The following GCNT2 variants were observed in gnomAD, a reference collection of about 807,000 sequenced individuals.
GCNT2 encodes glucosaminyl (N-acetyl) transferase 2 (I blood group), also known as N-acetyllactosaminide beta-1,6-N-acetylglucosaminyl-transferase.
GCNT2 carries 34 observed loss-of-function variants against 34.2 expected under a neutral mutation model. The observed-to-expected ratio is 1.00, with a 90% CI of 0.76 to 1.32. GCNT2 has a LOEUF of 1.32. GCNT2 is among the 40% of genes most tolerant of loss of function. The probability of loss-of-function intolerance (pLI) is 0.00; values close to 1 mark genes in which losing one functional copy is unlikely to be tolerated. For missense variants in GCNT2, 584 were observed against 489.4 expected (o/e 1.19, Z -1.82); for synonymous variants, 212 against 188.0 (o/e 1.13, Z -1.04).
rs796544760 is a variant in GCNT2 at position 10,537,732 on chromosome 6, CAAAG to C, written c.925+7900_925+7903del. Among the ~76,000 whole-genome samples, 232 of 102,102 alleles carry C rather than the reference CAAAG, an allele frequency of 2.3e-3. 3 individuals carry two copies. Among genetic ancestry groups the C allele is most frequent in the South Asian group, 0.019 (64 of 3,438 alleles). The allele number at this position is 102,102 out of a possible 152,430, so 67.0% of individuals were successfully genotyped here. A position where few individuals can be genotyped will look rare whatever the true frequency, so the allele number is the denominator to read the frequency against. The stretch of plus-strand genomic sequence containing the variant: ...AAAAAAAAAAAAAAAAAAAACAAAA[CAAAG>C]AAAACGAAAGAAAATGCATTTAATG... On this transcript the variant is annotated intron_variant, in intron 3 of 4. Coordinates refer to ENST00000495262, the MANE Select transcript of GCNT2 (RefSeq NM_145649.5).
chr6:10,551,625 A>G (rs1762483711), intron 3 of GCNT2, among the ~76,000 whole-genome samples: 1 of 151,778 alleles, frequency 6.6e-6, no homozygotes, highest in South Asian at 2.1e-4. Context: ...TTGTATTTTT[A>G]GTAGAGACAG....
intron 3 of GCNT2, among the ~76,000 whole-genome samples, chr6:10,571,661 G>C (rs1763561439): frequency 6.6e-6 from 1 of 152,076 alleles, no homozygotes; most frequent in Admixed American, 6.6e-5. Context: ...CCCTATAGTA[G>C]AAATTATTAT....
intron 3 of GCNT2, chr6:10,557,232 A>T (rs1441403124): frequency 6.3e-7 from 1 of 1,594,502 alleles, no homozygotes; most frequent in Non-Finnish European, 8.5e-7. Context: ...CTATCAAGAG[A>T]GTTTGCCAAC....
At chr6:10,583,703 G>C (rs1764219613) in intron 3 of GCNT2, among the ~76,000 whole-genome samples, 1 of 152,150 alleles carries the variant, frequency 6.6e-6, no homozygotes, top group African/African-American at 2.4e-5. Flanking sequence ...GTTGGAGAGG[G>C]GGTTGGGTGG....
At chr6:10,542,383 T>C (rs1286575201) in intron 3 of GCNT2, among the ~76,000 whole-genome samples, 1 of 151,000 alleles carries the variant, frequency 6.6e-6, no homozygotes, top group Non-Finnish European at 1.5e-5. Context: ...ATTTATGACA[T>C]ATAATTTACA....
intron 3 of GCNT2, among the ~76,000 whole-genome samples, chr6:10,545,906 T>C (rs2113613196): frequency 6.6e-6 from 1 of 152,296 alleles, no homozygotes; most frequent in South Asian, 2.1e-4. Flanking sequence ...GTTGACAAGA[T>C]GTGGGGCCTG....
At position 10,563,316 on chromosome 6, in the gene GCNT2, T is replaced by C. The variant is rs552446755; in HGVS notation, c.925+33480T>C. Among the ~76,000 whole-genome samples the C allele has an allele frequency of 3.0e-4, 46 of 152,346 alleles. No homozygotes were observed. In the South Asian group the frequency reaches 9.3e-3, roughly 31 times the overall value. ...CTCATAAAAACATGTTCAATAATAA[T>C]GTCACTCTATTATATTTGGACAATG... On this transcript the variant is annotated intron_variant, in intron 3 of 4. Transcript: ENST00000495262.
At chr6:10,539,292 C>T (rs762494893) in intron 3 of GCNT2, among the ~76,000 whole-genome samples, 4 of 144,722 alleles carry the variant, frequency 2.8e-5, no homozygotes, top group African/African-American at 5.1e-5. Flanking sequence ...TGGGTTCAAG[C>T]GATTCCCCTG....
chr6:10,523,373 C>T (rs1480785096), intron 1 of GCNT2, among the ~76,000 whole-genome samples: 3 of 150,146 alleles, frequency 2.0e-5, no homozygotes, highest in Non-Finnish European at 4.4e-5. Context: ...CTTCAGTGAG[C>T]CGGGATGGCG....
rs572189896 is a variant in GCNT2, at chr6:10,577,276, G to T, written c.926-44075G>T. ...TGACAGCCATGTAGGGCAGGGGGTG[G>T]GCTCTGCACTCAGACGCCTCCCGCG... On this transcript the variant is annotated intron_variant, in intron 3 of 4. Coordinates refer to ENST00000495262, the MANE Select transcript of GCNT2 (RefSeq NM_145649.5). 4.6e-5 allele frequency among the ~76,000 whole-genome samples: 7 copies of T among 152,318 alleles called. No individual in the cohort carries two copies. In the East Asian group the frequency reaches 1.4e-3, roughly 29 times the overall value.
chr6:10,598,012 T>C (rs1156620931), intron 3 of GCNT2, among the ~76,000 whole-genome samples: 1 of 152,230 alleles, frequency 6.6e-6, no homozygotes, highest in Non-Finnish European at 1.5e-5. Flanking sequence ...TTTTAACCTT[T>C]GTCTGTAGAT....
chr6:10,546,993 TAAG>T (rs1762302624), intron 3 of GCNT2, among the ~76,000 whole-genome samples: 1 of 152,162 alleles, frequency 6.6e-6, no homozygotes, highest in African/African-American at 2.4e-5. Context: ...TGTCCTACCT[TAAG>T]AAATTATTGC....
intron 1 of GCNT2, 32 bp from the exon 2 acceptor site, chr6:10,527,436 TAAAATA>T (rs1191103454): frequency 2.6e-5 from 4 of 151,834 alleles, no homozygotes; most frequent in Non-Finnish European, 5.9e-5. Context: ...AATAAATAAA[TAAAATA>T]AAATAAAAAG....
chr6:10,594,275 A>C (rs1046576327), intron 3 of GCNT2, among the ~76,000 whole-genome samples: 1 of 152,224 alleles, frequency 6.6e-6, no homozygotes, highest in Non-Finnish European at 1.5e-5. Flanking sequence ...AGACTGGCAC[A>C]TGTATAGATT....
intron 1 of GCNT2, among the ~76,000 whole-genome samples, chr6:10,522,274 A>C (rs569849851): frequency 1.3e-5 from 2 of 151,482 alleles, no homozygotes; most frequent in South Asian, 4.1e-4. Context: ...TAAAATTGAA[A>C]ATGAAGCTCT....
intron 3 of GCNT2, among the ~76,000 whole-genome samples, chr6:10,587,825 C>T (rs1053773880): frequency 1.3e-5 from 2 of 152,120 alleles, no homozygotes; most frequent in African/African-American, 4.8e-5. Context: ...TCAACAGTGA[C>T]CCAGCATGGT....
intron 3 of GCNT2, among the ~76,000 whole-genome samples, chr6:10,584,990 T>G (rs1159543299): frequency 6.6e-6 from 1 of 151,856 alleles, no homozygotes; most frequent in Admixed American, 6.6e-5. Flanking sequence ...GTCCTGCCTG[T>G]GCCCCCAAGG....
intron 3 of GCNT2, among the ~76,000 whole-genome samples, chr6:10,608,008 A>C (rs1009464155): frequency 6.6e-6 from 1 of 151,908 alleles, no homozygotes; most frequent in Non-Finnish European, 1.5e-5. Flanking sequence ...CTCAAATAAT[A>C]ATTTATAAAT....
At chr6:10,524,986 C>T (rs1046366793) in intron 1 of GCNT2, among the ~76,000 whole-genome samples, 7 of 152,104 alleles carry the variant, frequency 4.6e-5, no homozygotes, top group Non-Finnish European at 8.8e-5. Flanking sequence ...CCCACCCCCC[C>T]GGTTTCTAAT....
Sources: gnomAD v4.1 joint callset for allele counts (sites outside exome capture counted in the v4.1 genomes callset) on GRCh38, gnomAD v4.1.1 for gene constraint, MANE v1.5 for transcripts, NCBI Gene and HGNC (gene_info 2026-07-23, HGNC 2026-07-21) for gene names.